AP3S2: variants seen among roughly 807,000 people sequenced by gnomAD.
The protein encoded by AP3S2 is adaptor related protein complex 3 subunit sigma 2, also known as AP-3 complex subunit sigma-2.
Under a neutral mutation model 23.4 loss-of-function variants are expected in AP3S2, and 22 were observed. The observed-to-expected ratio is 0.94, with a 90% CI of 0.67 to 1.34. The LOEUF (loss-of-function observed/expected upper bound fraction) is 1.34. AP3S2 is among the 40% of genes most tolerant of loss of function. The pLI is 0.00. For missense variants in AP3S2, 241 were observed against 236.9 expected, an observed-to-expected ratio of 1.02 and a Z score of -0.11; for synonymous variants, 86 against 87.1, an observed-to-expected ratio of 0.99 and a Z score of 0.07.
intron 4 of AP3S2, among the ~76,000 whole-genome samples, chr15:89,843,616 T>C (rs141463238): frequency 6.6e-6 from 1 of 152,046 alleles, no homozygotes; most frequent in African/African-American, 2.4e-5. Flanking sequence ...GCCTGGGTGA[T>C]GGAGCGAGAC....
chr15:89,844,209 CTCTTTCTTTCTT>C (rs71151535), intron 4 of AP3S2, among the ~76,000 whole-genome samples: 7,257 of 129,070 alleles, frequency 0.056, 244 homozygotes, highest in Non-Finnish European at 0.067. Context: ...TTCTTTCTTT[CTCTTTCTTTCTT>C]TCTTTCTTTC....
chr15:89,847,479 T>C (rs1895525641), intron 4 of AP3S2, among the ~76,000 whole-genome samples: 1 of 150,126 alleles, frequency 6.7e-6, no homozygotes, highest in Non-Finnish European at 1.5e-5. Flanking sequence ...TCTTCAAGGA[T>C]ACAGATGTGC....
chr15:89,888,396 G>T, intron 3 of AP3S2, 125 bp downstream of exon 3: 3 of 820,314 alleles, frequency 3.7e-6, no homozygotes, highest in Non-Finnish European at 5.7e-6. Context: ...GCACCATCTG[G>T]TGGACATCTG....
chr15:89,842,401 T>C (rs979176661), intron 4 of AP3S2, among the ~76,000 whole-genome samples: 2 of 152,244 alleles, frequency 1.3e-5, no homozygotes, highest in Non-Finnish European at 2.9e-5. Context: ...AAGGTCACAC[T>C]GTATCCCAGG....
chr15:89,893,589 C>G (rs1462793629), intron 1 of AP3S2: 3 of 452,096 alleles, frequency 6.6e-6, no homozygotes, highest in Non-Finnish European at 1.2e-5. Context: ...GAGGCACACT[C>G]CCCACTGTCG....
At chr15:89,849,651 G>A (rs143265035) in intron 4 of AP3S2, among the ~76,000 whole-genome samples, 5,347 of 152,188 alleles carry the variant, frequency 0.035, 125 homozygotes, top group Non-Finnish European at 0.054. Context: ...ACAGGCATGA[G>A]CCACTGCGCC....
At chr15:89,889,403 G>T in intron 1 of AP3S2, 1 of 372,582 alleles carries the variant, frequency 2.7e-6, no homozygotes, top group Non-Finnish European at 5.0e-6. Context: ...TAGGTAAGCT[G>T]ATATTTAAAC....
rs372863524 is a variant in AP3S2, at chr15:89,840,531, G to A, written c.346-2809C>T. 4.6e-5 allele frequency among the ~76,000 whole-genome samples: 7 copies of A among 152,114 alleles called. No individual in the cohort carries two copies. The East Asian group carries it at 9.6e-4, about 21-fold the overall frequency. ...CAACCTCCGCCTCCTGGGTTCAAGC[G>A]ATTCTCCCAACTCAGCCTCCTGAGT... On this transcript the variant is annotated intron_variant, in intron 4 of 5. Coordinates refer to ENST00000336418, the MANE Select transcript of AP3S2 (RefSeq NM_005829.5).
intron 3 of AP3S2, chr15:89,878,221 G>GAAAAAAA: frequency 1.9e-6 from 1 of 528,744 alleles, no homozygotes; most frequent in Non-Finnish European, 3.3e-6. Flanking sequence ...TTCTCCAAAG[G>GAAAAAAA]AAAAAAAAAA....
At chr15:89,849,485 G>A (rs755864072) in intron 4 of AP3S2, among the ~76,000 whole-genome samples, 1 of 152,004 alleles carries the variant, frequency 6.6e-6, no homozygotes, top group Non-Finnish European at 1.5e-5. Flanking sequence ...TCTTGCCTCA[G>A]ATTCCTGGGT....
At chr15:89,839,045 G>A (rs1212583240) in intron 4 of AP3S2, among the ~76,000 whole-genome samples, 1 of 152,162 alleles carries the variant, frequency 6.6e-6, no homozygotes, top group East Asian at 1.9e-4. Flanking sequence ...CTGTTCTCTA[G>A]CATCCCTGGT....
At chr15:89,885,617 T>C (rs1896679501) in intron 3 of AP3S2, among the ~76,000 whole-genome samples, 1 of 152,220 alleles carries the variant, frequency 6.6e-6, no homozygotes, top group African/African-American at 2.4e-5. Context: ...TTTATATCAA[T>C]TAGGCCAACT....
chr15:89,854,413 C>A (rs1895755564), intron 4 of AP3S2, among the ~76,000 whole-genome samples: 1 of 53,498 alleles, frequency 1.9e-5, no homozygotes, highest in Non-Finnish European at 4.1e-5. Flanking sequence ...GCCCTCCGCC[C>A]GGCCAGCCGC....
intron 4 of AP3S2, among the ~76,000 whole-genome samples, chr15:89,859,944 T>G (rs1724983240): frequency 6.6e-6 from 1 of 151,902 alleles, no homozygotes; most frequent in African/African-American, 2.4e-5. Flanking sequence ...TTTGTATTTT[T>G]TAGTAGAGAC....
intron 3 of AP3S2, among the ~76,000 whole-genome samples, chr15:89,874,156 T>C (rs1481284383): frequency 6.6e-6 from 1 of 151,680 alleles, no homozygotes; most frequent in East Asian, 1.9e-4. Flanking sequence ...TGTTTTCCTT[T>C]CTTTATATGG....
intron 4 of AP3S2, among the ~76,000 whole-genome samples, chr15:89,867,867 T>G: frequency 7.8e-6 from 1 of 128,952 alleles, no homozygotes; most frequent in South Asian, 2.8e-4. Context: ...AGCCACCCCA[T>G]CTGGGAAGTG....
chr15:89,847,322 T>C (rs900862963), intron 4 of AP3S2, among the ~76,000 whole-genome samples: 2 of 136,540 alleles, frequency 1.5e-5, no homozygotes, highest in Admixed American at 8.3e-5. Flanking sequence ...AGTCAAGACT[T>C]CAGTGATTGC....
At chr15:89,867,007 C>T (rs1464253223) in intron 4 of AP3S2, among the ~76,000 whole-genome samples, 6 of 121,276 alleles carry the variant, frequency 4.9e-5, no homozygotes, top group Non-Finnish European at 7.0e-5. Flanking sequence ...TCCCTCTCCC[C>T]CTACCCCTCC....
chr15:89,867,537 GC>G (rs1165147577), intron 4 of AP3S2, among the ~76,000 whole-genome samples: 2 of 140,014 alleles, frequency 1.4e-5, no homozygotes, highest in Non-Finnish European at 3.1e-5. Context: ...GAGCGTCTGC[GC>G]CCGGCCGCCA....
Sources: gnomAD v4.1 joint callset for allele counts (sites outside exome capture counted in the v4.1 genomes callset) on GRCh38, gnomAD v4.1.1 for gene constraint, MANE v1.5 for transcripts, NCBI Gene and HGNC (gene_info 2026-07-23, HGNC 2026-07-21) for gene names.